The following PALS2 variants were observed in gnomAD, a reference collection of about 807,000 sequenced individuals.
The protein encoded by PALS2 is protein associated with LIN7 2, MAGUK p55 family member, also known as protein PALS2.
A neutral mutation model predicts 61.6 loss-of-function variants in PALS2; 27 were observed. The observed-to-expected ratio is 0.44, with a 90% CI of 0.32 to 0.60. The LOEUF (loss-of-function observed/expected upper bound fraction) is 0.60. Ranked by LOEUF, PALS2 falls within the 20% of genes least tolerant of loss-of-function variation. PALS2 has a pLI of 0.05. For synonymous variants in PALS2, 236 were observed against 218.6 expected (o/e 1.08, Z -0.70); for missense variants, 554 against 639.4 (o/e 0.87, Z 1.44).
chr7:24,574,914 T>C (rs1782589546), intron 1 of PALS2, among the ~76,000 whole-genome samples: 1 of 152,208 alleles, frequency 6.6e-6, no homozygotes, highest in South Asian at 2.1e-4. Context: ...ATTGTAGGCA[T>C]CTACTGTGCA....
chr7:24,610,413 G>T (rs74913784), intron 1 of PALS2, among the ~76,000 whole-genome samples: 1 of 152,010 alleles, frequency 6.6e-6, no homozygotes. Context: ...GGGAACAGAT[G>T]GTTTGTCCAT....
Position 24,634,476 on chromosome 7 carries a change from C to T in PALS2, c.118-7240C>T, listed in dbSNP as rs544330845. On this transcript the variant is annotated intron_variant, in intron 2 of 11. Coordinates refer to ENST00000222644, the MANE Select transcript of PALS2 (RefSeq NM_001303037.2). ...CGATCTCCTGACCTCGTGATCCATC[C>T]GCCTCGGCCTCCTAAAGTGCTGGGA... Among the ~76,000 whole-genome samples, 10 of 152,248 alleles carry T rather than the reference C, an allele frequency of 6.6e-5. No homozygotes were observed. In the South Asian group the frequency reaches 1.7e-3, roughly 25 times the overall value.
chr7:24,624,731 C>T (rs1177601034), intron 2 of PALS2, among the ~76,000 whole-genome samples: 1 of 151,382 alleles, frequency 6.6e-6, no homozygotes, highest in Admixed American at 6.6e-5. Context: ...CTCAGCCTCC[C>T]GAGTAGCTGG....
intron 1 of PALS2, among the ~76,000 whole-genome samples, chr7:24,616,822 T>TATCGTCTA (rs1256731418): frequency 6.6e-6 from 1 of 152,176 alleles, no homozygotes; most frequent in East Asian, 1.9e-4. Context: ...GACTTGATGC[T>TATCGTCTA]TTTCTTTTGC....
chr7:24,642,892 G>A (rs557165440), intron 3 of PALS2, among the ~76,000 whole-genome samples: 2 of 152,284 alleles, frequency 1.3e-5, no homozygotes, highest in African/African-American at 4.8e-5. Flanking sequence ...CTTTAGGTGT[G>A]GAGGGGGAGA....
At chr7:24,577,049 G>A (rs1465532328) in intron 1 of PALS2, among the ~76,000 whole-genome samples, 1 of 152,110 alleles carries the variant, frequency 6.6e-6, no homozygotes, top group Admixed American at 6.6e-5. Flanking sequence ...AACAGAGGCT[G>A]CTACGTTTAT....
chr7:24,614,766 A>G (rs1784232827), intron 1 of PALS2, among the ~76,000 whole-genome samples: 2 of 151,990 alleles, frequency 1.3e-5, no homozygotes, highest in South Asian at 4.1e-4. Flanking sequence ...ATTTCACCCA[A>G]CAGCTGCAGA....
chr7:24,624,954 G>A (rs936554480), intron 2 of PALS2, among the ~76,000 whole-genome samples: 1 of 152,042 alleles, frequency 6.6e-6, no homozygotes, highest in African/African-American at 2.4e-5. Context: ...AAATCACATG[G>A]TATAAAGGCC....
chr7:24,691,591 A>G lies in PALS2; in HGVS notation c.*3977A>G, dbSNP rs1215866647. The G allele has an allele frequency of 1.3e-5, 2 of 151,570 alleles. No individual in the cohort carries two copies. The highest frequency in any genetic ancestry group is 1.3e-4 in the Admixed American group (2 of 15,212). The allele number at this position is 151,570 out of a possible 1,614,324, so 9.4% of individuals were successfully genotyped here. A position where few individuals can be genotyped will look rare whatever the true frequency, so the allele number is the denominator to read the frequency against. Reference sequence around the variant, plus strand: ...TCTGAAACTTTTTTTAGATTGTTTTAAAACGCTCTGGTTCCACCTTGAAGC... The same window carrying G: ...TCTGAAACTTTTTTTAGATTGTTTTGAAACGCTCTGGTTCCACCTTGAAGC... On this transcript the variant is annotated 3_prime_UTR_variant, in exon 12 of 12. Transcript: ENST00000222644.
chr7:24,686,031 A>G (rs1788185550), intron 11 of PALS2, among the ~76,000 whole-genome samples: 1 of 152,152 alleles, frequency 6.6e-6, no homozygotes, highest in Non-Finnish European at 1.5e-5. Flanking sequence ...ATTACAAAGT[A>G]GCACACTTTG....
chr7:24,598,782 A>G (rs932661351), intron 1 of PALS2, among the ~76,000 whole-genome samples: 11 of 152,200 alleles, frequency 7.2e-5, no homozygotes, highest in African/African-American at 2.4e-4. Flanking sequence ...GATTCTGTGT[A>G]TGGTGTGTCT....
At chr7:24,643,910 C>T (rs1340314966) in intron 3 of PALS2, among the ~76,000 whole-genome samples, 1 of 151,956 alleles carries the variant, frequency 6.6e-6, no homozygotes, top group Non-Finnish European at 1.5e-5. Flanking sequence ...ACCTTTTGGC[C>T]CACCACAGGG....
In PALS2 at chr7:24,667,925, G is replaced by A. The variant is rs188234112; in HGVS notation, c.953-574G>A. ...TCGTGATTCGCCCACCTCGGCCTGC[G>A]AAAGTGCTGGGATTACAGGCATGAG... On this transcript the variant is annotated intron_variant, in intron 8 of 11. Transcript: ENST00000222644. Among the ~76,000 whole-genome samples, 789 of 152,004 alleles carry A rather than the reference G, an allele frequency of 5.2e-3. 7 individuals carry two copies. The highest frequency in any genetic ancestry group is 0.017 in the African/African-American group (721 of 41,480).
intron 1 of PALS2, among the ~76,000 whole-genome samples, chr7:24,585,803 A>G (rs1443243061): frequency 6.6e-6 from 1 of 152,114 alleles, no homozygotes; most frequent in Non-Finnish European, 1.5e-5. Flanking sequence ...GGTTCATGCC[A>G]TTCTCCTGCC....
intron 3 of PALS2, among the ~76,000 whole-genome samples, chr7:24,648,911 G>A (rs2711114): frequency 0.51 from 71,182 of 138,520 alleles, 21,175 homozygotes; most frequent in African/African-American, 0.83. Flanking sequence ...TCTCAAAAAA[G>A]AAAAAAAAAA....
chr7:24,620,496 A>C (rs149230070), intron 1 of PALS2, among the ~76,000 whole-genome samples: 328 of 152,276 alleles, frequency 2.2e-3, no homozygotes, highest in African/African-American at 7.6e-3. Flanking sequence ...TATGATTAAG[A>C]GTCAGTAACA....
chr7:24,596,179 T>A lies in PALS2; in HGVS notation c.-3+22586T>A, dbSNP rs1025279267. ...GGCTCTAGCCACTCTGGGGAGAATA[T>A]TGTTGAGAACGAGAGTGAAGGTAAG... On this transcript the variant is annotated intron_variant, in intron 1 of 11. Coordinates refer to ENST00000222644, the MANE Select transcript of PALS2 (RefSeq NM_001303037.2). This position sits in a 1 kb window ranked among gnomAD's most constrained non-coding sequence, Gnocchi z 4.5. Among the ~76,000 whole-genome samples, 3 of 152,090 alleles carry A rather than the reference T, an allele frequency of 2.0e-5. No homozygotes were observed. The highest frequency in any genetic ancestry group is 7.2e-5 in the African/African-American group (3 of 41,422).
At chr7:24,667,195 CTAT>C (rs1033604849) in intron 8 of PALS2, among the ~76,000 whole-genome samples, 3 of 151,958 alleles carry the variant, frequency 2.0e-5, no homozygotes, top group African/African-American at 7.3e-5. Flanking sequence ...CACTTTGGCC[CTAT>C]TATTCATAAA....
At chr7:24,660,072 A>G (rs572342607) in intron 5 of PALS2, among the ~76,000 whole-genome samples, 5 of 152,270 alleles carry the variant, frequency 3.3e-5, no homozygotes, top group African/African-American at 9.6e-5. Flanking sequence ...TAGGATCACT[A>G]TCTTCATTGC....
Sources: allele counts gnomAD v4.1 joint callset (sites outside exome capture counted in the v4.1 genomes callset), GRCh38; gene constraint gnomAD v4.1.1; non-coding constraint Gnocchi (gnomAD v3.1); transcripts MANE v1.5; gene names NCBI Gene and HGNC (gene_info 2026-07-23, HGNC 2026-07-21).